The following ARHGEF28 variants were observed in gnomAD, a reference collection of about 807,000 sequenced individuals.
ARHGEF28 encodes the protein 190 kDa guanine nucleotide exchange factor.
Under a neutral mutation model 206.6 loss-of-function variants are expected in ARHGEF28, and 152 were observed. That is an observed-to-expected ratio of 0.74 (90% CI 0.64 to 0.84). The LOEUF is 0.84. ARHGEF28 is among the 40% of genes least tolerant of loss of function. ARHGEF28 has a pLI of 0.00. For synonymous variants in ARHGEF28, 763 were observed against 776.4 expected (o/e 0.98, Z 0.29); for missense variants, 2,028 against 2,073.2 (o/e 0.98, Z 0.42).
At chr5:73,785,327 T>G (rs1754097644) in intron 7 of ARHGEF28, among the ~76,000 whole-genome samples, 1 of 152,206 alleles carries the variant, frequency 6.6e-6, no homozygotes. Flanking sequence ...TTCGCAGTTC[T>G]CAACCTCTCA....
chr5:73,904,551 G>A, intron 33 of ARHGEF28, 146 bp downstream of exon 33: 1 of 835,886 alleles, frequency 1.2e-6, no homozygotes, highest in Non-Finnish European at 1.8e-6. Flanking sequence ...GTGATGTGTT[G>A]GACTCACATG....
At chr5:73,814,346 T>A (rs1294723058) in intron 9 of ARHGEF28, among the ~76,000 whole-genome samples, 1 of 152,104 alleles carries the variant, frequency 6.6e-6, no homozygotes, top group African/African-American at 2.4e-5. Flanking sequence ...GATAATGGAA[T>A]GGGTTTACAT....
chr5:73,802,890 G>C (rs1443689077), intron 9 of ARHGEF28, among the ~76,000 whole-genome samples: 13 of 150,554 alleles, frequency 8.6e-5, no homozygotes, highest in African/African-American at 1.9e-4. Flanking sequence ...GTGTGTGTGT[G>C]TGTGTGTGTG....
chr5:73,847,530 T>C (rs910063577), intron 12 of ARHGEF28, among the ~76,000 whole-genome samples: 2 of 152,186 alleles, frequency 1.3e-5, no homozygotes, highest in Admixed American at 6.5e-5. Flanking sequence ...GTGATATTTC[T>C]GGATAATGAG....
chr5:73,928,616 C>G (rs889276988), intron 35 of ARHGEF28, among the ~76,000 whole-genome samples: 1 of 151,940 alleles, frequency 6.6e-6, no homozygotes, highest in African/African-American at 2.4e-5. Context: ...GCTGTTTTTC[C>G]CTCTACTGAA....
intron 12 of ARHGEF28, 123 bp from the exon 13 acceptor site, chr5:73,848,853 A>G (rs970502044): frequency 2.6e-5 from 18 of 691,486 alleles, no homozygotes; most frequent in Middle Eastern, 3.6e-4. Context: ...TAATGAGATC[A>G]TATCAGAAAT....
chr5:73,721,485 G>A (rs1460059074), intron 2 of ARHGEF28, among the ~76,000 whole-genome samples: 1 of 152,170 alleles, frequency 6.6e-6, no homozygotes, highest in Non-Finnish European at 1.5e-5. Flanking sequence ...AGTGACTTCA[G>A]GTATATTTTC....
intron 9 of ARHGEF28, among the ~76,000 whole-genome samples, chr5:73,802,963 T>C (rs1325907237): frequency 6.6e-6 from 1 of 150,924 alleles, no homozygotes; most frequent in Non-Finnish European, 1.5e-5. Flanking sequence ...GGCTAATTCC[T>C]TGGAAGGGAC....
At chr5:73,675,657 C>T (rs915070185) in intron 1 of ARHGEF28, among the ~76,000 whole-genome samples, 3 of 142,592 alleles carry the variant, frequency 2.1e-5, no homozygotes, top group Admixed American at 7.4e-5. Context: ...GGCATGAACC[C>T]AGGAGGTGGA....
At chr5:73,672,530 C>T (rs1290321514) in intron 1 of ARHGEF28, among the ~76,000 whole-genome samples, 2 of 152,188 alleles carry the variant, frequency 1.3e-5, no homozygotes, top group African/African-American at 4.8e-5. Flanking sequence ...ATTTTAATAT[C>T]CTTCCCTAGA....
chr5:73,872,886 A>C, intron 21 of ARHGEF28, 113 bp from the exon 22 acceptor site: 2 of 1,229,238 alleles, frequency 1.6e-6, no homozygotes, highest in Non-Finnish European at 2.2e-6. Flanking sequence ...TGATATTCCT[A>C]AACATTTCTT....
chr5:73,870,666 G>A (rs955417947), intron 21 of ARHGEF28, among the ~76,000 whole-genome samples: 1 of 152,170 alleles, frequency 6.6e-6, no homozygotes, highest in Admixed American at 6.5e-5. Flanking sequence ...GAGACCAGGT[G>A]CAGTGTGAGT....
At chr5:73,718,946 C>T (rs1749751071) in intron 2 of ARHGEF28, among the ~76,000 whole-genome samples, 1 of 152,210 alleles carries the variant, frequency 6.6e-6, no homozygotes, top group Non-Finnish European at 1.5e-5. Context: ...CTGTTCATCT[C>T]CTGGGCTGAC....
intron 9 of ARHGEF28, among the ~76,000 whole-genome samples, chr5:73,817,504 G>GC (rs1382040243): frequency 6.6e-6 from 1 of 152,200 alleles, no homozygotes; most frequent in Non-Finnish European, 1.5e-5. Flanking sequence ...AGAAACTGAG[G>GC]CTGAGTTTTA....
chr5:73,866,507 C>A (rs776379941), intron 18 of ARHGEF28, among the ~76,000 whole-genome samples: 4 of 152,166 alleles, frequency 2.6e-5, no homozygotes, highest in Non-Finnish European at 5.9e-5. Flanking sequence ...AGATTCTTAT[C>A]AGTTTCTGTT....
chr5:73,715,894 C>T (rs566791538), intron 2 of ARHGEF28, among the ~76,000 whole-genome samples: 1 of 152,322 alleles, frequency 6.6e-6, no homozygotes, highest in East Asian at 1.9e-4. Flanking sequence ...TTGCCTACAA[C>T]TGAGAGGTGA....
At chr5:73,846,608 A>G in intron 12 of ARHGEF28, 133 bp downstream of exon 12, 1 of 767,850 alleles carries the variant, frequency 1.3e-6, no homozygotes, top group Non-Finnish European at 2.0e-6. Flanking sequence ...CCCATGTGAT[A>G]TCTGATTGAG....
rs202015873 is a variant in ARHGEF28 at position 73,645,171 on chromosome 5, G to GTTGT, written c.-12+18872_-12+18875dup. Among the ~76,000 whole-genome samples, 612 of 152,026 alleles carry GTTGT rather than the reference G, an allele frequency of 4.0e-3. 2 individuals are homozygous for GTTGT. The highest frequency in any genetic ancestry group is 5.0e-3 in the Non-Finnish European group (343 of 67,970). Reference sequence around the variant, plus strand: ...TCATTTAAAAAAATCAAATTATTAAGTTGTTTGTTTGTTTGTTTGTTTGTT... The same window carrying GTTGT: ...TCATTTAAAAAAATCAAATTATTAAGTTGTTTGTTTGTTTGTTTGTTTGTTTGTT... On this transcript the variant is annotated intron_variant, in intron 1 of 35. Transcript: ENST00000513042.
chr5:73,675,609 T>C (rs1277954605), intron 1 of ARHGEF28, among the ~76,000 whole-genome samples: 1 of 151,218 alleles, frequency 6.6e-6, no homozygotes, highest in African/African-American at 2.4e-5. Flanking sequence ...GACGGGTGCC[T>C]GTGGTCCCAG....
Sources: allele counts gnomAD v4.1 joint callset (sites outside exome capture counted in the v4.1 genomes callset), GRCh38; gene constraint gnomAD v4.1.1; transcripts MANE v1.5; gene names NCBI Gene and HGNC (gene_info 2026-07-23, HGNC 2026-07-21).